The following DYDC1 variants were observed in gnomAD, a reference collection of about 807,000 sequenced individuals.
The protein encoded by DYDC1 is DPY30 domain-containing protein 1.
A neutral mutation model predicts 27.9 loss-of-function variants in DYDC1; 21 were observed. That is an observed-to-expected ratio of 0.75 (90% CI 0.53 to 1.08). The LOEUF (loss-of-function observed/expected upper bound fraction) is 1.08, where lower values mean the gene tolerates loss of function less well. DYDC1 is among the 50% of genes least tolerant of loss of function. The pLI is 0.00. For synonymous variants in DYDC1, 67 were observed against 65.8 expected (o/e 1.02, Z -0.09); for missense variants, 202 against 205.9 (o/e 0.98, Z 0.12).
intron 4 of DYDC1, among the ~76,000 whole-genome samples, chr10:80,341,195 G>A (rs914604499): frequency 1.1e-4 from 16 of 151,848 alleles, no homozygotes; most frequent in African/African-American, 3.6e-4. Flanking sequence ...ATAGCTTTTG[G>A]ATGCAGGAAA....
At chr10:80,346,439 CCTTT>C (rs1406244664) in intron 3 of DYDC1, among the ~76,000 whole-genome samples, 2 of 115,680 alleles carry the variant, frequency 1.7e-5, no homozygotes, top group African/African-American at 8.3e-5. Flanking sequence ...GTGTCTCTTC[CCTTT>C]CTTTTTTTTT....
chr10:80,347,468 T>C (rs1842738710), intron 3 of DYDC1, among the ~76,000 whole-genome samples: 1 of 152,116 alleles, frequency 6.6e-6, no homozygotes, highest in African/African-American at 2.4e-5. Context: ...GTCCCATTTG[T>C]TTAGGTTTGC....
chr10:80,339,389 T>A (rs1842241803), intron 4 of DYDC1, among the ~76,000 whole-genome samples: 1 of 152,154 alleles, frequency 6.6e-6, no homozygotes, highest in Admixed American at 6.5e-5. Flanking sequence ...AAAAGTTTTT[T>A]AAAAATGAAA....
At chr10:80,352,896 G>A (rs1470288593) in intron 1 of DYDC1, among the ~76,000 whole-genome samples, 1 of 152,168 alleles carries the variant, frequency 6.6e-6, no homozygotes, top group Non-Finnish European at 1.5e-5. Flanking sequence ...TTTACTTGAT[G>A]CCAAGTAATG....
intron 3 of DYDC1, among the ~76,000 whole-genome samples, chr10:80,350,635 G>A (rs1036654393): frequency 2.0e-5 from 3 of 152,220 alleles, no homozygotes; most frequent in Admixed American, 6.5e-5. Flanking sequence ...TAGGAGGTTA[G>A]TCAGAGAAGC....
chr10:80,356,276 T>G (rs2132867596), intron 1 of DYDC1: 1 of 985,486 alleles, frequency 1.0e-6, no homozygotes, highest in African/African-American at 1.7e-5. Flanking sequence ...TGGCTCAACA[T>G]AAGAAAGCCC....
At chr10:80,342,093 G>A (rs10788571) in intron 4 of DYDC1, among the ~76,000 whole-genome samples, 176 bp downstream of exon 4, 53,067 of 150,912 alleles carry the variant, frequency 0.35, 10,476 homozygotes, top group East Asian at 0.8. Flanking sequence ...CTCTAGTTTT[G>A]AAACAGGTAA....
chr10:80,355,186 A>G (rs1278830516), intron 1 of DYDC1, among the ~76,000 whole-genome samples: 2 of 151,926 alleles, frequency 1.3e-5, no homozygotes, highest in African/African-American at 4.8e-5. Flanking sequence ...GAGCATGGCA[A>G]TTACAGGGGA....
At chr10:80,353,579 C>A (rs1843141086) in intron 1 of DYDC1, among the ~76,000 whole-genome samples, 2 of 151,638 alleles carry the variant, frequency 1.3e-5, no homozygotes, top group Admixed American at 1.3e-4. Flanking sequence ...CGGCTGGGCA[C>A]AGTGGCTCAC....
rs1235809475 is a variant in DYDC1, at chr10:80,339,120, T to G, written c.376A>C (p.Asn126His). The G allele has an allele frequency of 7.2e-7, 1 of 1,389,328 alleles. No individual in the cohort carries two copies. Among genetic ancestry groups the G allele is most frequent in the African/African-American group, 1.5e-5 (1 of 66,936 alleles). The allele number at this position is 1,389,328 out of a possible 1,614,324, so 86.1% of individuals were successfully genotyped here. The change falls in exon 5 of 7, where the codon AAT (asparagine) becomes CAT (histidine). Residue 126 changes from asparagine to histidine, a missense_variant. Coordinates refer to ENST00000372202, the MANE Select transcript of DYDC1 (RefSeq NM_001269053.2). ...ACCTCTGAATGTAGAATATCTTCATTCCTAACTAGATTTTCCATATTCATT... is the reference window on the plus strand; with the variant it reads ...ACCTCTGAATGTAGAATATCTTCATGCCTAACTAGATTTTCCATATTCATT... ...MRMNMENLVR[N>H]EDILHSEEAT...
At chr10:80,351,766 A>G (rs1842994787) in intron 3 of DYDC1, 135 bp downstream of exon 3, 1 of 760,486 alleles carries the variant, frequency 1.3e-6, no homozygotes, top group East Asian at 2.6e-5. Context: ...AGACACACAC[A>G]TCCATAAAGA....
chr10:80,343,347 C>T (rs1461452773), intron 3 of DYDC1, among the ~76,000 whole-genome samples: 1 of 152,220 alleles, frequency 6.6e-6, no homozygotes, highest in Non-Finnish European at 1.5e-5. Context: ...ACAGAGACCA[C>T]ATGTGGTGCA....
intron 3 of DYDC1, among the ~76,000 whole-genome samples, chr10:80,346,421 A>G (rs1315778060): frequency 9.4e-5 from 12 of 127,582 alleles, no homozygotes; most frequent in Non-Finnish European, 3.2e-5. Flanking sequence ...CCACACCCTC[A>G]CCAATGTGTG....
chr10:80,338,715 T>C, intron 5 of DYDC1, 144 bp from the exon 6 acceptor site: 1 of 859,702 alleles, frequency 1.2e-6, no homozygotes, highest in Non-Finnish European at 1.6e-6. Flanking sequence ...TTTCTGTTAA[T>C]GACAAGAGAA....
At chr10:80,339,026 T>G (rs1461230868) in intron 5 of DYDC1, 71 bp downstream of exon 5, 9 of 867,846 alleles carry the variant, frequency 1.0e-5, no homozygotes, top group East Asian at 9.3e-5. Flanking sequence ...TACTTATGCA[T>G]CAAAATTAAG....
rs748781386 is a variant in DYDC1 at position 80,351,909 on chromosome 10, G to C, written c.241C>G (p.Leu81Val). 8.7e-6 allele frequency: 14 copies of C among 1,614,124 alleles called. No individual in the cohort carries two copies. The highest frequency in any genetic ancestry group is 1.2e-5 in the Non-Finnish European group (14 of 1,180,012). The part of the protein sequence containing the change: ...MERLKAEELL[L>V]QQQQLALQLE... ...TCTCCTACTTGCCTCACCTGCTGAA[G>C]TAAGAGCTCCTCTGCTTTGAGCCTC... Residue 81 changes from leucine (L) to valine (V), a missense_variant, in exon 3 of 7, where the codon CTT (leucine) becomes GTT (valine). Transcript: ENST00000372202.
chr10:80,346,617 C>G (rs1259362939), intron 3 of DYDC1, among the ~76,000 whole-genome samples: 1 of 151,606 alleles, frequency 6.6e-6, no homozygotes, highest in Non-Finnish European at 1.5e-5. Context: ...CCCGCCACCA[C>G]GCCCGGCTAA....
At position 80,336,115 on chromosome 10, in the gene DYDC1, GAAAC is replaced by G. The variant is rs1178189310; in HGVS notation, c.*37_*40del. Reference sequence around the variant, plus strand: ...TTGGGAACCTCATGGTTTGAAATTTGAAACAAACAAAAACATTTATTGCTCTTAG... The same window carrying G: ...TTGGGAACCTCATGGTTTGAAATTTGAAACAAAAACATTTATTGCTCTTAG... On this transcript the variant is annotated 3_prime_UTR_variant, in exon 7 of 7. Coordinates refer to ENST00000372202, the MANE Select transcript of DYDC1 (RefSeq NM_001269053.2). 1.5e-6 allele frequency: 2 copies of G among 1,330,614 alleles called. No individual in the cohort carries two copies. Among genetic ancestry groups the G allele is most frequent in the Non-Finnish European group, 2.1e-6 (2 of 947,388 alleles). The allele number at this position is 1,330,614 out of a possible 1,614,324, so 82.4% of individuals were successfully genotyped here.
At chr10:80,352,674 G>A in intron 1 of DYDC1, 64 bp from the exon 2 acceptor site, 1 of 1,506,826 alleles carries the variant, frequency 6.6e-7, no homozygotes, top group Non-Finnish European at 8.9e-7. Context: ...TAAAACTAAA[G>A]TCCAGTGAGG....
Sources: allele counts gnomAD v4.1 joint callset (sites outside exome capture counted in the v4.1 genomes callset), GRCh38; gene constraint gnomAD v4.1.1; transcripts MANE v1.5; gene names NCBI Gene and HGNC (gene_info 2026-07-23, HGNC 2026-07-21).